The following UTY variants were observed in gnomAD, a reference collection of about 807,000 sequenced individuals.
The protein encoded by UTY is histone demethylase UTY.
Under a neutral mutation model 32.5 loss-of-function variants are expected in UTY, and 12 were observed. The ratio of observed to expected loss-of-function variants is 0.37; its 90% CI spans 0.24 to 0.60. The LOEUF (loss-of-function observed/expected upper bound fraction) is 0.60. UTY is among the 20% of genes least tolerant of loss of function. The pLI, the probability that UTY is intolerant of heterozygous loss-of-function variation, is 0.69. For synonymous variants in UTY, 131 were observed against 103.4 expected (o/e 1.27, Z -1.62); for missense variants, 303 against 299.2 (o/e 1.01, Z -0.09).
intron 2 of UTY, among the ~76,000 whole-genome samples, chrY:13,474,122 T>C: frequency 3.1e-5 from 1 of 32,510 alleles, no homozygotes; most frequent in Non-Finnish European, 7.5e-5. Flanking sequence ...TGGTGGCAGG[T>C]ACGTGAAATC....
chrY:13,282,931 C>T (rs754873243), intron 27 of UTY, among the ~76,000 whole-genome samples: 517 of 34,554 alleles, frequency 0.015, no homozygotes, highest in Non-Finnish European at 0.026. Flanking sequence ...CTGGGTGGAA[C>T]GCCTAGCCAA....
intron 8 of UTY, among the ~76,000 whole-genome samples, chrY:13,375,105 A>T: frequency 3.0e-5 from 1 of 33,577 alleles, no homozygotes; most frequent in Non-Finnish European, 7.4e-5. Context: ...AGTATGTTAT[A>T]GTTTTTGAAT....
chrY:13,322,402 C>CA (rs2059895923), intron 21 of UTY, among the ~76,000 whole-genome samples: 2 of 33,250 alleles, frequency 6.0e-5, no homozygotes, highest in Non-Finnish European at 1.5e-4. Flanking sequence ...TCTCCTCCCT[C>CA]AGACTTAAGA....
intron 17 of UTY, among the ~76,000 whole-genome samples, chrY:13,338,126 G>A: frequency 4.0e-5 from 1 of 24,961 alleles, no homozygotes; most frequent in African/African-American, 1.6e-4. Flanking sequence ...AGTGACCCTT[G>A]TGCCTCAGCC....
At chrY:13,384,010 A>C (rs774041564) in intron 8 of UTY, among the ~76,000 whole-genome samples, 1 of 34,240 alleles carries the variant, frequency 2.9e-5, no homozygotes, top group South Asian at 6.3e-4. Context: ...AATAATAAAT[A>C]ATCTTCTAAA....
At chrY:13,268,033 G>C in intron 27 of UTY, among the ~76,000 whole-genome samples, 1 of 32,149 alleles carries the variant, frequency 3.1e-5, no homozygotes, top group African/African-American at 1.2e-4. Flanking sequence ...TATCTTTGTG[G>C]TGTTCTCTGG....
Position 13,360,000 on chromosome Y carries a change from G to T in UTY, c.966-14C>A. On this transcript the variant is annotated splice_polypyrimidine_tract_variant and intron_variant, in intron 11 of 29. Transcript: ENST00000545955. Reference sequence around the variant, plus strand: ...TGATACAACACACTGGAAAGAAAAAGAATGCTGTCAAAAACTACTGGTTAC... The same window carrying T: ...TGATACAACACACTGGAAAGAAAAATAATGCTGTCAAAAACTACTGGTTAC... The T allele has an allele frequency of 2.6e-6, 1 of 385,959 alleles. No homozygotes were observed. Among genetic ancestry groups the T allele is most frequent in the Non-Finnish European group, 3.7e-6 (1 of 273,658 alleles).
chrY:13,353,362 T>G, intron 17 of UTY, among the ~76,000 whole-genome samples: 1 of 33,875 alleles, frequency 3.0e-5, no homozygotes, highest in South Asian at 6.4e-4. Flanking sequence ...CTGAATACTT[T>G]TAAGTCTATA....
chrY:13,401,781 C>T, intron 6 of UTY, among the ~76,000 whole-genome samples: 3 of 32,476 alleles, frequency 9.2e-5, no homozygotes, highest in African/African-American at 3.6e-4. Flanking sequence ...GAGGCTGAGA[C>T]AAGAGAATTG....
chrY:13,450,823 G>GA (rs762785728), intron 3 of UTY, among the ~76,000 whole-genome samples: 19 of 17,284 alleles, frequency 1.1e-3, no homozygotes, highest in East Asian at 5.7e-3. Context: ...GACTCTGTCT[G>GA]AAAAAAAAAA....
chrY:13,428,380 G>C (rs2073602706), intron 4 of UTY, among the ~76,000 whole-genome samples: 1 of 33,001 alleles, frequency 3.0e-5, no homozygotes, highest in Non-Finnish European at 7.5e-5. Flanking sequence ...GAAAGGTATG[G>C]GTACAATTTC....
chrY:13,381,191 T>A, intron 8 of UTY, among the ~76,000 whole-genome samples: 1 of 34,118 alleles, frequency 2.9e-5, no homozygotes, highest in South Asian at 6.3e-4. Context: ...AGTGAAGGGG[T>A]AATGAGCAAT....
chrY:13,442,985 T>G, intron 4 of UTY, among the ~76,000 whole-genome samples: 1 of 33,293 alleles, frequency 3.0e-5, no homozygotes, highest in South Asian at 7.0e-4. Context: ...TAACTCCCCA[T>G]GCAAACAGAT....
chrY:13,478,417 T>C (rs764019156), intron 2 of UTY, among the ~76,000 whole-genome samples: 1 of 33,592 alleles, frequency 3.0e-5, no homozygotes, highest in Admixed American at 2.8e-4. Flanking sequence ...GCAAGAATTC[T>C]ACTTTTAAAT....
chrY:13,370,720 G>A, intron 8 of UTY, among the ~76,000 whole-genome samples: 1 of 32,874 alleles, frequency 3.0e-5, no homozygotes, highest in Non-Finnish European at 7.5e-5. Context: ...CAGGGGCAGA[G>A]GGCATGACAA....
At chrY:13,241,191 C>T in intron 28 of UTY, among the ~76,000 whole-genome samples, 1 of 31,274 alleles carries the variant, frequency 3.2e-5, no homozygotes, top group Non-Finnish European at 7.7e-5. Context: ...AAAACCCCCA[C>T]AAAAAACTAG....
intron 8 of UTY, among the ~76,000 whole-genome samples, chrY:13,376,776 A>C: frequency 3.0e-5 from 1 of 33,391 alleles, no homozygotes; most frequent in African/African-American, 1.2e-4. Context: ...CGGCATATTC[A>C]AAAGTCCTTT....
intron 21 of UTY, among the ~76,000 whole-genome samples, chrY:13,308,633 A>C (rs2148812255): frequency 6.2e-5 from 2 of 32,284 alleles, no homozygotes; most frequent in South Asian, 7.0e-4. Context: ...ACAAACAAAA[A>C]CCCCCCAGAG....
At chrY:13,331,221 G>A (rs2060666377) in intron 18 of UTY, among the ~76,000 whole-genome samples, 1 of 33,742 alleles carries the variant, frequency 3.0e-5, no homozygotes, top group Non-Finnish European at 7.3e-5. Flanking sequence ...CTGACTGGGA[G>A]AGACCTCACA....
Sources: gnomAD v4.1 joint callset for allele counts (sites outside exome capture counted in the v4.1 genomes callset) on GRCh38, gnomAD v4.1.1 for gene constraint, MANE v1.5 for transcripts, NCBI Gene and HGNC (gene_info 2026-07-23, HGNC 2026-07-21) for gene names.